The following NRG1 variants were observed in gnomAD, a reference collection of about 807,000 sequenced individuals.
NRG1 encodes the protein neuregulin 1.
NRG1 carries 18 observed loss-of-function variants against 63.8 expected under a neutral mutation model. The observed-to-expected ratio is 0.28, with a 90% CI of 0.19 to 0.42. The LOEUF (loss-of-function observed/expected upper bound fraction) is 0.42, where lower values mean the gene tolerates loss of function less well. Among genes scored for constraint, NRG1 ranks in the 10% least tolerant of loss-of-function variants. The pLI, the probability that NRG1 is intolerant of heterozygous loss-of-function variation, is 1.00. For synonymous variants in NRG1, 302 were observed against 301.3 expected (o/e 1.00, Z -0.02); for missense variants, 762 against 814.7 (o/e 0.94, Z 0.79).
chr8:32,161,386 A>G (rs1444661148), intron 1 of NRG1, among the ~76,000 whole-genome samples: 1 of 152,148 alleles, frequency 6.6e-6, no homozygotes, highest in East Asian at 1.9e-4. Flanking sequence ...TGGGTCAAGA[A>G]CTCATCCTTA....
chr8:32,340,034 G>C (rs1264619719), intron 1 of NRG1, among the ~76,000 whole-genome samples: 2 of 152,140 alleles, frequency 1.3e-5, no homozygotes, highest in Non-Finnish European at 2.9e-5. Context: ...CTGCTGCTAA[G>C]GGGTAAGGTG....
intron 5 of NRG1, among the ~76,000 whole-genome samples, chr8:32,723,594 G>A (rs28558100): frequency 0.19 from 28,040 of 148,108 alleles, 2,800 homozygotes; most frequent in Non-Finnish European, 0.22. Context: ...GGAGGCTGAG[G>A]CAGGAGAATT....
chr8:32,639,876 A>G (rs906675332), intron 5 of NRG1, among the ~76,000 whole-genome samples: 1 of 152,214 alleles, frequency 6.6e-6, no homozygotes, highest in African/African-American at 2.4e-5. Context: ...GACATTGGTT[A>G]TTCAAGGTAT....
At chr8:31,935,939 G>A (rs327342) in intron 1 of NRG1, among the ~76,000 whole-genome samples, 129,135 of 152,134 alleles carry the variant, frequency 0.85, 55,564 homozygotes, top group Non-Finnish European at 0.91. Flanking sequence ...TTGAGCTTAG[G>A]AGGAGAATAT....
intron 1 of NRG1, among the ~76,000 whole-genome samples, chr8:32,281,993 G>T (rs1344017865): frequency 6.6e-6 from 1 of 152,104 alleles, no homozygotes; most frequent in African/African-American, 2.4e-5. Flanking sequence ...GAGGCTTTAA[G>T]CTTCAAGTCA....
At position 32,447,594 on chromosome 8, in the gene NRG1, C is replaced by T. The variant is rs139005092; in HGVS notation, c.38-148234C>T. On this transcript the variant is annotated intron_variant, in intron 1 of 10. Transcript: ENST00000519301. Reference sequence around the variant, plus strand: ...TAAAGGAAACTGAATAAAACGTGGGCGCAGTGGCTCCCACCTCTAATCCCA... The same window carrying T: ...TAAAGGAAACTGAATAAAACGTGGGTGCAGTGGCTCCCACCTCTAATCCCA... 6.6e-4 allele frequency among the ~76,000 whole-genome samples: 100 copies of T among 152,158 alleles called. 1 individual carries two copies. In the East Asian group the frequency reaches 0.014, roughly 21 times the overall value.
chr8:32,121,154 C>T (rs1833395699), intron 1 of NRG1, among the ~76,000 whole-genome samples: 1 of 152,008 alleles, frequency 6.6e-6, no homozygotes, highest in Non-Finnish European at 1.5e-5. Context: ...ATAGTCTTTT[C>T]AGTAGAAAGG....
intron 1 of NRG1, among the ~76,000 whole-genome samples, chr8:31,672,997 GA>G (rs978146206): frequency 6.0e-5 from 9 of 150,936 alleles, no homozygotes; most frequent in African/African-American, 2.2e-4. Flanking sequence ...GGAGATCTTG[GA>G]AAATAATATT....
chr8:32,316,856 G>C (rs1049043804), intron 1 of NRG1, among the ~76,000 whole-genome samples: 1 of 152,132 alleles, frequency 6.6e-6, no homozygotes, highest in Non-Finnish European at 1.5e-5. Context: ...AAATGAATTA[G>C]TGTAATCAGC....
chr8:32,286,686 C>T (rs1187339326), intron 1 of NRG1, among the ~76,000 whole-genome samples: 4 of 152,134 alleles, frequency 2.6e-5, no homozygotes, highest in Non-Finnish European at 2.9e-5. Context: ...GCCTGCTACC[C>T]TTTACCTTCC....
At chr8:32,595,727 T>G in intron 1 of NRG1, 101 bp from the exon 2 acceptor site, 1 of 1,071,696 alleles carries the variant, frequency 9.3e-7, no homozygotes, top group Non-Finnish European at 1.3e-6. Context: ...AATAAAACCT[T>G]TGGAATGGTG....
chr8:32,354,894 G>A (rs886501945), intron 1 of NRG1, among the ~76,000 whole-genome samples: 2 of 150,480 alleles, frequency 1.3e-5, no homozygotes, highest in African/African-American at 4.9e-5. Flanking sequence ...TCAAATCAGT[G>A]AGAAAATAAT....
chr8:32,572,428 C>G (rs1422606832), intron 1 of NRG1, among the ~76,000 whole-genome samples: 1 of 152,138 alleles, frequency 6.6e-6, no homozygotes, highest in Non-Finnish European at 1.5e-5. Context: ...TTACTATACA[C>G]ATTTGATTTA....
At chr8:31,966,690 A>G (rs1443719403) in intron 1 of NRG1, among the ~76,000 whole-genome samples, 1 of 152,214 alleles carries the variant, frequency 6.6e-6, no homozygotes, top group African/African-American at 2.4e-5. Context: ...GTCCCATTGA[A>G]TAGATGTGGC....
At chr8:32,048,224 G>A (rs1382579082) in intron 1 of NRG1, among the ~76,000 whole-genome samples, 1 of 151,362 alleles carries the variant, frequency 6.6e-6, no homozygotes, top group Admixed American at 6.6e-5. Context: ...AAACACGGAA[G>A]TGTAAAATAT....
At chr8:31,875,735 G>A (rs1470948086) in intron 1 of NRG1, among the ~76,000 whole-genome samples, 6 of 152,220 alleles carry the variant, frequency 3.9e-5, no homozygotes, top group East Asian at 3.9e-4. Context: ...TGAGACTTTC[G>A]GAGGATGATT....
At chr8:32,193,271 TC>T (rs1484513843) in intron 1 of NRG1, among the ~76,000 whole-genome samples, 1 of 151,464 alleles carries the variant, frequency 6.6e-6, no homozygotes, top group African/African-American at 2.4e-5. Context: ...TGATAATGAA[TC>T]ACATTGATAT....
At chr8:32,065,941 G>GATGAGCATTTTT (rs1824729776) in intron 1 of NRG1, among the ~76,000 whole-genome samples, 1 of 152,194 alleles carries the variant, frequency 6.6e-6, no homozygotes, top group East Asian at 1.9e-4. Context: ...GGCCAGTGAT[G>GATGAGCATTTTT]ATGAGCATTT....
At chr8:31,674,555 G>GGA (rs1807484208) in intron 1 of NRG1, among the ~76,000 whole-genome samples, 1 of 50,462 alleles carries the variant, frequency 2.0e-5, no homozygotes, top group African/African-American at 4.5e-5. Context: ...ATGCATCTGG[G>GGA]TACTTTTTTT....
Sources: allele counts gnomAD v4.1 joint callset (sites outside exome capture counted in the v4.1 genomes callset), GRCh38; gene constraint gnomAD v4.1.1; transcripts MANE v1.5; gene names NCBI Gene and HGNC (gene_info 2026-07-23, HGNC 2026-07-21).